CNTNAP3: variants seen among roughly 807,000 people sequenced by gnomAD.
The protein encoded by CNTNAP3 is contactin associated protein family member 3.
In CNTNAP3, 36 loss-of-function variants were observed where a neutral mutation model predicts 92.1. The ratio of observed to expected loss-of-function variants is 0.39; its 90% confidence interval spans 0.30 to 0.52. The LOEUF is 0.52. Ranked by LOEUF, CNTNAP3 falls within the 20% of genes least tolerant of loss-of-function variation. CNTNAP3 has a pLI of 0.76. For missense variants in CNTNAP3, 534 were observed against 1,069.6 expected (o/e 0.50, Z 6.98); for synonymous variants, 232 against 422.3 (o/e 0.55, Z 5.53).
rs1384730622 is a variant in CNTNAP3, at chr9:39,068,152, C to A, written c.*5738G>T. The stretch of plus-strand genomic sequence containing the variant: ...CAGTGGCTTACGCCTGTGATACCAG[C>A]GCTTTAGGAGGCTGAGGTGGGCAGA... On this transcript the variant is annotated 3_prime_UTR_variant, in exon 24 of 24. Transcript: ENST00000297668. Among the ~76,000 whole-genome samples the A allele has an allele frequency of 1.8e-3, 278 of 151,726 alleles. No homozygotes were observed. Among genetic ancestry groups the A allele is most frequent in the East Asian group, 4.3e-3 (22 of 5,138 alleles).
chr9:39,087,290 G>T lies in CNTNAP3; in HGVS notation c.3221-441C>A, dbSNP rs1477716988. ...AATGTATCACTGATATGTGCATAAA[G>T]ATTTTTTTATAGCCAGATTATTTTA... On this transcript the variant is annotated intron_variant, in intron 19 of 23. Coordinates refer to ENST00000297668, the MANE Select transcript of CNTNAP3 (RefSeq NM_033655.5). Among the ~76,000 whole-genome samples the T allele has an allele frequency of 2.0e-5, 3 of 152,268 alleles. No homozygotes were observed. The East Asian group carries it at 5.8e-4, about 29-fold the overall frequency.
intron 13 of CNTNAP3, among the ~76,000 whole-genome samples, chr9:39,121,813 G>A (rs1821029950): frequency 6.6e-6 from 1 of 152,122 alleles, no homozygotes; most frequent in Non-Finnish European, 1.5e-5. Context: ...AAGACATAAG[G>A]GGAGGGAAGG....
intron 18 of CNTNAP3, among the ~76,000 whole-genome samples, chr9:39,097,502 C>A (rs929822327): frequency 2.0e-5 from 3 of 152,056 alleles, no homozygotes; most frequent in Non-Finnish European, 1.5e-5. Context: ...ACAGGATTTT[C>A]CAGCTGCCAC....
At chr9:39,126,587 C>T (rs1192422602) in intron 13 of CNTNAP3, among the ~76,000 whole-genome samples, 1 of 152,074 alleles carries the variant, frequency 6.6e-6, no homozygotes, top group East Asian at 1.9e-4. Context: ...TAAAAATGAA[C>T]ACCACAACCA....
At chr9:39,122,446 T>G (rs1420178609) in intron 13 of CNTNAP3, among the ~76,000 whole-genome samples, 3 of 152,134 alleles carry the variant, frequency 2.0e-5, no homozygotes, top group African/African-American at 4.8e-5. Flanking sequence ...ATCAGTACAT[T>G]ACCTGTATAG....
At chr9:39,112,839 G>T in intron 14 of CNTNAP3, among the ~76,000 whole-genome samples, 1 of 152,094 alleles carries the variant, frequency 6.6e-6, no homozygotes, top group East Asian at 1.9e-4. Flanking sequence ...ACAGCTAACA[G>T]AACTAGTTTC....
At chr9:39,170,478 A>G (rs570113510) in intron 8 of CNTNAP3, among the ~76,000 whole-genome samples, 14 of 99,802 alleles carry the variant, frequency 1.4e-4, no homozygotes, top group African/African-American at 1.0e-3. Flanking sequence ...CACAATGTCA[A>G]TTTAGGACCC....
At chr9:39,084,200 T>TG (rs796168398) in intron 21 of CNTNAP3, among the ~76,000 whole-genome samples, 99 of 124,368 alleles carry the variant, frequency 8.0e-4, no homozygotes, top group Middle Eastern at 3.7e-3. Context: ...CCAAGTTTTT[T>TG]TTTTTTTTTT....
chr9:39,100,971 A>G (rs1386248746), intron 17 of CNTNAP3, among the ~76,000 whole-genome samples: 1 of 150,846 alleles, frequency 6.6e-6, no homozygotes, highest in Non-Finnish European at 1.5e-5. Context: ...TGAACTATCA[A>G]TCAGCTTTGT....
chr9:39,111,159 A>G (rs1418108336), intron 14 of CNTNAP3, among the ~76,000 whole-genome samples: 2 of 152,170 alleles, frequency 1.3e-5, no homozygotes, highest in Non-Finnish European at 2.9e-5. Context: ...CATCACTTTG[A>G]GCAGTTATCC....
intron 15 of CNTNAP3, among the ~76,000 whole-genome samples, chr9:39,107,941 T>C (rs566578611): frequency 4.6e-5 from 7 of 152,244 alleles, no homozygotes; most frequent in African/African-American, 1.2e-4. Context: ...GTTTTTGAAA[T>C]TGAAGGATAA....
At chr9:39,117,172 A>G (rs1820878409) in intron 14 of CNTNAP3, among the ~76,000 whole-genome samples, 1 of 151,964 alleles carries the variant, frequency 6.6e-6, no homozygotes, top group Non-Finnish European at 1.5e-5. Context: ...TTGTATTTTC[A>G]GTGGATACGG....
intron 18 of CNTNAP3, among the ~76,000 whole-genome samples, chr9:39,098,182 T>G (rs1216166610): frequency 6.8e-6 from 1 of 146,032 alleles, no homozygotes; most frequent in Non-Finnish European, 1.5e-5. Flanking sequence ...ATCTACAGTA[T>G]TCTGAGAGAG....
rs1252908395 is a variant in CNTNAP3 at position 39,117,920 on chromosome 9, A to T, written c.2237+183T>A. 3.0e-6 allele frequency: 4 copies of T among 1,321,004 alleles called. No homozygotes were observed. The African/African-American group carries it at 6.0e-5, about 20-fold the overall frequency. The allele number at this position is 1,321,004 out of a possible 1,614,324, so 81.8% of individuals were successfully genotyped here. Reference sequence around the variant, plus strand: ...ATATAGTATTCACAACGAACTAGTAAATCTTTGGTCATAAAATTTAATCCT... The same window carrying T: ...ATATAGTATTCACAACGAACTAGTATATCTTTGGTCATAAAATTTAATCCT... On this transcript the variant is annotated intron_variant, in intron 14 of 23. Coordinates refer to ENST00000297668, the MANE Select transcript of CNTNAP3 (RefSeq NM_033655.5).
In CNTNAP3 at chr9:39,069,090, G is replaced by A. The variant is rs1825580096; in HGVS notation, c.*4800C>T. Among the ~76,000 whole-genome samples, 1 of 152,180 alleles carries A rather than the reference G, an allele frequency of 6.6e-6. No individual in the cohort carries two copies. The highest frequency in any genetic ancestry group is 2.1e-4 in the South Asian group (1 of 4,834). On this transcript the variant is annotated 3_prime_UTR_variant, in exon 24 of 24. Transcript: ENST00000297668. ...AGATTTGGAACAAGAAGTAAATTTA[G>A]CTATCAATTATGTTTACTCACTGCA...
Position 39,102,659 on chromosome 9 carries a change from C to A in CNTNAP3, c.2593G>T (p.Val865Leu). 7.0e-7 allele frequency: 1 copy of A among 1,422,294 alleles called. No individual in the cohort carries two copies. 88.1% of individuals were successfully genotyped at this position (1,422,294 alleles called of 1,614,324 possible). Reference sequence around the variant, plus strand: ...TCATTAAAGGGAGTGGGTGACTGCACCGTGACCTCACAAGGTCCATTCCCC... The same window carrying A: ...TCATTAAAGGGAGTGGGTGACTGCAACGTGACCTCACAAGGTCCATTCCCC... ...DVGNGPCEVTVQSPTPFNDNQ... is the reference protein window; with the variant it reads ...DVGNGPCEVTLQSPTPFNDNQ... The change falls in exon 17 of 24, where the codon GTG becomes TTG. Residue 865 changes from valine to leucine, a missense_variant. Val to Leu is a conservative substitution (Grantham distance 32, BLOSUM62 1). Coordinates refer to ENST00000297668, the MANE Select transcript of CNTNAP3 (RefSeq NM_033655.5).
chr9:39,097,057 T>C (rs141375771), intron 18 of CNTNAP3, among the ~76,000 whole-genome samples: 5,484 of 152,254 alleles, frequency 0.036, 159 homozygotes, highest in Middle Eastern at 0.075. Flanking sequence ...TTTTTTTCAT[T>C]ATTATTTCTC....
intron 12 of CNTNAP3, among the ~76,000 whole-genome samples, chr9:39,134,547 C>G (rs1203103238): frequency 3.3e-5 from 5 of 152,100 alleles, no homozygotes; most frequent in Non-Finnish European, 1.5e-5. Context: ...GTCTCAGCCT[C>G]CCAAGTAGCT....
In CNTNAP3 at chr9:39,276,719, C is replaced by T. The variant is rs1301195232; in HGVS notation, c.86-9713G>A. On this transcript the variant is annotated intron_variant, in intron 1 of 23. Transcript: ENST00000297668. The stretch of plus-strand genomic sequence containing the variant: ...GCAGAAATAAAGATGTTCTTTGAAA[C>T]CAACGAGAACAAACACACAACATAC... Among the ~76,000 whole-genome samples, 2 of 26,058 alleles carry T rather than the reference C, an allele frequency of 7.7e-5. 1 individual carries two copies. Among genetic ancestry groups the T allele is most frequent in the African/African-American group, 1.5e-4 (2 of 13,130 alleles). 17.1% of individuals were successfully genotyped at this position (26,058 alleles called of 152,430 possible).
Sources: gnomAD v4.1 joint callset for allele counts (sites outside exome capture counted in the v4.1 genomes callset) on GRCh38, gnomAD v4.1.1 for gene constraint, MANE v1.5 for transcripts, NCBI Gene and HGNC (gene_info 2026-07-23, HGNC 2026-07-21) for gene names.